The following LPCAT2 variants were observed in gnomAD, a reference collection of about 807,000 sequenced individuals.
LPCAT2 encodes 1-AGP acyltransferase 11.
A neutral mutation model predicts 64.7 loss-of-function variants in LPCAT2; 58 were observed. The observed-to-expected ratio is 0.90, with a 90% confidence interval of 0.73 to 1.12. LPCAT2 has a LOEUF of 1.12. Ranked by LOEUF, LPCAT2 falls within the 50% of genes most tolerant of loss-of-function variation. The probability of loss-of-function intolerance (pLI) is 0.00; values close to 1 mark genes in which losing one functional copy is unlikely to be tolerated. For synonymous variants in LPCAT2, 252 were observed against 245.3 expected (o/e 1.03, Z -0.26); for missense variants, 579 against 669.8 (o/e 0.86, Z 1.50).
chr16:55,540,673 T>C (rs1254432883), intron 8 of LPCAT2: 1 of 158,708 alleles, frequency 6.3e-6, no homozygotes, highest in African/African-American at 2.4e-5. Context: ...ATTTAGTATA[T>C]ATTATAGATA....
Position 55,529,929 on chromosome 16 carries a change from A to G in LPCAT2, c.624A>G (p.Ser208=). 6.2e-7 allele frequency: 1 copy of G among 1,610,346 alleles called. No individual in the cohort carries two copies. Among genetic ancestry groups the G allele is most frequent in the Non-Finnish European group, 8.5e-7 (1 of 1,178,376 alleles). Residue 208 remains serine, a synonymous_variant, in exon 4 of 14, where the codon TCA becomes TCG. Coordinates refer to ENST00000262134, the MANE Select transcript of LPCAT2 (RefSeq NM_017839.5). ...ATGAAATAATAAAGCGAACAACATC[A>G]GGAGGAGAATGGCCCCAGGTAAAAC... ...TINEIIKRTT[S]GGEWPQILVF...
chr16:55,572,309 A>G (rs542424062), intron 11 of LPCAT2, among the ~76,000 whole-genome samples: 5 of 152,322 alleles, frequency 3.3e-5, no homozygotes, highest in Non-Finnish European at 5.9e-5. Context: ...GATACAACAT[A>G]AATTCAAAGG....
At chr16:55,544,517 G>C (rs1222177100) in intron 8 of LPCAT2, among the ~76,000 whole-genome samples, 1 of 152,118 alleles carries the variant, frequency 6.6e-6, no homozygotes, top group Non-Finnish European at 1.5e-5. Context: ...ACCTACTATG[G>C]GGGAAAAATT....
chr16:55,519,206 G>A (rs757972074), intron 1 of LPCAT2, among the ~76,000 whole-genome samples: 4 of 151,968 alleles, frequency 2.6e-5, no homozygotes, highest in Non-Finnish European at 4.4e-5. Context: ...CTGCATTCAA[G>A]AAATGGTAAA....
At position 55,530,309 on chromosome 16, in the gene LPCAT2, A is replaced by T. The variant is rs543621807; in HGVS notation, c.642+362A>T. 2.0e-5 allele frequency among the ~76,000 whole-genome samples: 3 copies of T among 152,220 alleles called. No homozygotes were observed. The South Asian group carries it at 6.2e-4, about 32-fold the overall frequency. ...TAAAGTATCTCCTATTTCATATTTT[A>T]GAAGCTTAATTATATAAGCTCAGTT... On this transcript the variant is annotated intron_variant, in intron 4 of 13. Coordinates refer to ENST00000262134, the MANE Select transcript of LPCAT2 (RefSeq NM_017839.5).
intron 10 of LPCAT2, among the ~76,000 whole-genome samples, chr16:55,549,875 A>G (rs1963496403): frequency 6.6e-6 from 1 of 152,206 alleles, no homozygotes; most frequent in Admixed American, 6.5e-5. Context: ...AAAAAAGGCA[A>G]AAATCTTCTT....
chr16:55,534,961 A>G (rs1323828397), intron 7 of LPCAT2, among the ~76,000 whole-genome samples: 1 of 152,184 alleles, frequency 6.6e-6, no homozygotes, highest in African/African-American at 2.4e-5. Context: ...GGATTTGAAA[A>G]GCATTGGAAT....
intron 1 of LPCAT2, among the ~76,000 whole-genome samples, chr16:55,515,706 T>C (rs8059302): frequency 0.48 from 73,207 of 152,086 alleles, 18,268 homozygotes; most frequent in Non-Finnish European, 0.55. Flanking sequence ...ATTTGTATAA[T>C]AATAATAGCA....
chr16:55,525,495 C>A lies in LPCAT2; in HGVS notation c.172-13C>A, dbSNP rs576901537. On this transcript the variant is annotated splice_polypyrimidine_tract_variant and intron_variant, in intron 1 of 13. Coordinates refer to ENST00000262134, the MANE Select transcript of LPCAT2 (RefSeq NM_017839.5). ...ATGTCCATTCATTTATTTTTACCAA[C>A]TTTGACTTTCAGATTGTCCTTCTTG... 3.0e-5 allele frequency: 48 copies of A among 1,598,110 alleles called. 1 individual carries two copies. The South Asian group carries it at 4.8e-4, about 16-fold the overall frequency.
In LPCAT2 at chr16:55,583,290, G is replaced by A. The variant is rs12933746; in HGVS notation, c.*192G>A. 1.5e-5 allele frequency: 8 copies of A among 527,502 alleles called. No homozygotes were observed. Among genetic ancestry groups the A allele is most frequent in the Admixed American group, 3.2e-5 (1 of 31,138 alleles). 32.7% of individuals were successfully genotyped at this position (527,502 alleles called of 1,614,324 possible). ...ATTGGAAAAAATCAAGCAATATTTCGTTTTCTTTTGTGTTATATTGTACTT... is the reference window on the plus strand; with the variant it reads ...ATTGGAAAAAATCAAGCAATATTTCATTTTCTTTTGTGTTATATTGTACTT... On this transcript the variant is annotated 3_prime_UTR_variant, in exon 14 of 14. Transcript: ENST00000262134.
At chr16:55,524,419 G>A (rs1433286146) in intron 1 of LPCAT2, among the ~76,000 whole-genome samples, 1 of 151,912 alleles carries the variant, frequency 6.6e-6, no homozygotes, top group Non-Finnish European at 1.5e-5. Flanking sequence ...TTGACTAGAA[G>A]AGACACAAGA....
intron 13 of LPCAT2, among the ~76,000 whole-genome samples, chr16:55,580,700 C>T (rs1228768435): frequency 6.6e-6 from 1 of 152,140 alleles, no homozygotes; most frequent in African/African-American, 2.4e-5. Context: ...AACCCTTAGG[C>T]CATGGACCGG....
Position 55,520,943 on chromosome 16 carries a change from GGAA to G in LPCAT2, c.172-4558_172-4556del, listed in dbSNP as rs535668588. On this transcript the variant is annotated intron_variant, in intron 1 of 13. Coordinates refer to ENST00000262134, the MANE Select transcript of LPCAT2 (RefSeq NM_017839.5). The stretch of plus-strand genomic sequence containing the variant: ...ATTTAAGTTTTTACCTTCAGTAGCT[GGAA>G]GAAGAACAAATTAAACACAAAGTAA... Among the ~76,000 whole-genome samples the G allele has an allele frequency of 2.5e-4, 38 of 151,646 alleles. No individual in the cohort carries two copies. The East Asian group carries it at 6.0e-3, about 24-fold the overall frequency.
At chr16:55,541,519 TACAC>T (rs146753997) in intron 8 of LPCAT2, 2 of 153,096 alleles carry the variant, frequency 1.3e-5, no homozygotes, top group Admixed American at 6.5e-5. Context: ...ATCATACAAC[TACAC>T]ACACACACAC....
In LPCAT2 at chr16:55,574,622, C is replaced by T. The variant is rs1285865737; in HGVS notation, c.1216-9C>T. The T allele has an allele frequency of 6.3e-6, 10 of 1,597,158 alleles. No homozygotes were observed. The highest frequency in any genetic ancestry group is 8.6e-6 in the Non-Finnish European group (10 of 1,164,752). ...GCCCTCCTAATTGATTTATCCCATC[C>T]TTTCACAGAACCATGATGGCAGCAT... is the stretch of plus-strand genomic sequence containing the variant. On this transcript the variant is annotated splice_polypyrimidine_tract_variant and intron_variant, in intron 11 of 13. Coordinates refer to ENST00000262134, the MANE Select transcript of LPCAT2 (RefSeq NM_017839.5).
intron 6 of LPCAT2, 145 bp downstream of exon 6, chr16:55,533,027 GT>G: frequency 3.4e-6 from 2 of 581,102 alleles, no homozygotes; most frequent in Non-Finnish European, 5.9e-6. Flanking sequence ...GCCACATCTA[GT>G]TTTTAAAATT....
intron 1 of LPCAT2, among the ~76,000 whole-genome samples, chr16:55,524,927 A>G (rs1318712782): frequency 1.3e-5 from 2 of 152,072 alleles, no homozygotes; most frequent in Non-Finnish European, 2.9e-5. Flanking sequence ...TGGCTGGTGT[A>G]TTACATAGTA....
At position 55,547,875 on chromosome 16, in the gene LPCAT2, C is replaced by T. The variant is rs185012858; in HGVS notation, c.936-1402C>T. ...CTCCGCCTCCTGGGTTCAAGTGATT[C>T]TCCTGCCTCAGCCTCCTGAGTAGCT... On this transcript the variant is annotated intron_variant, in intron 9 of 13. Coordinates refer to ENST00000262134, the MANE Select transcript of LPCAT2 (RefSeq NM_017839.5). Among the ~76,000 whole-genome samples the T allele has an allele frequency of 3.9e-3, 594 of 152,144 alleles. 14 individuals are homozygous for T. Among genetic ancestry groups the T allele is most frequent in the Admixed American group, 0.037 (564 of 15,288 alleles).
intron 1 of LPCAT2, among the ~76,000 whole-genome samples, chr16:55,516,583 A>T (rs1434267894): frequency 6.6e-6 from 1 of 152,232 alleles, no homozygotes; most frequent in African/African-American, 2.4e-5. Context: ...AAGAGGGTTG[A>T]TTCATTAAGA....
Sources: allele counts gnomAD v4.1 joint callset (sites outside exome capture counted in the v4.1 genomes callset), GRCh38; gene constraint gnomAD v4.1.1; transcripts MANE v1.5; gene names NCBI Gene and HGNC (gene_info 2026-07-23, HGNC 2026-07-21).